The following CLEC16A variants were observed in gnomAD, a reference collection of about 807,000 sequenced individuals.
CLEC16A encodes C-type lectin domain containing 16A, also known as protein CLEC16A.
Under a neutral mutation model 109.5 loss-of-function variants are expected in CLEC16A, and 51 were observed. That is an observed-to-expected ratio of 0.47 (90% CI 0.37 to 0.59). CLEC16A has a LOEUF of 0.59. Among genes scored for constraint, CLEC16A ranks in the 20% least tolerant of loss-of-function variants. The pLI is 0.00. For synonymous variants in CLEC16A, 673 were observed against 564.2 expected (o/e 1.19, Z -2.73); for missense variants, 1,339 against 1,394.0 (o/e 0.96, Z 0.63).
At chr16:11,122,184 C>T (rs1243951228) in intron 20 of CLEC16A, among the ~76,000 whole-genome samples, 1 of 152,226 alleles carries the variant, frequency 6.6e-6, no homozygotes, top group Admixed American at 6.5e-5. Context: ...GCGAGAACCA[C>T]CCACATACTT....
chr16:10,976,659 C>G (rs905837753), intron 7 of CLEC16A, among the ~76,000 whole-genome samples: 3 of 152,212 alleles, frequency 2.0e-5, no homozygotes, highest in Non-Finnish European at 2.9e-5. Context: ...CCAGCTGTTT[C>G]TGGAGTGTGA....
At chr16:11,117,736 A>G (rs80086226) in intron 19 of CLEC16A, among the ~76,000 whole-genome samples, 6,835 of 152,182 alleles carry the variant, frequency 0.045, 512 homozygotes, top group African/African-American at 0.16. Context: ...CGGTTAAACA[A>G]TTTTTAAATG....
At chr16:10,986,629 G>A (rs537005274) in intron 10 of CLEC16A, among the ~76,000 whole-genome samples, 5 of 152,060 alleles carry the variant, frequency 3.3e-5, no homozygotes, top group African/African-American at 1.2e-4. Flanking sequence ...AAGTAGAATC[G>A]TGCAGCATTT....
At chr16:11,136,461 TTTGTTGTTGTTGTTG>T (rs151238568) in intron 22 of CLEC16A, among the ~76,000 whole-genome samples, 1 of 151,872 alleles carries the variant, frequency 6.6e-6, no homozygotes, top group African/African-American at 2.4e-5. Flanking sequence ...CTCTTGCCAT[TTTGTTGTTGTTGTTG>T]TTGTTGTTGT....
Position 10,944,608 on chromosome 16 carries a change from C to T in CLEC16A, c.-110C>T, listed in dbSNP as rs1378109981. 4 of 1,090,244 alleles carry T rather than the reference C, an allele frequency of 3.7e-6. No homozygotes were observed. Among genetic ancestry groups the T allele is most frequent in the Non-Finnish European group, 2.6e-6 (2 of 756,408 alleles). 67.5% of individuals were successfully genotyped at this position (1,090,244 alleles called of 1,614,324 possible). On this transcript the variant is annotated 5_prime_UTR_variant, in exon 1 of 24. Transcript: ENST00000409790. ...GGGAGGAAGGCGGCTCGCGGTTCCT[C>T]CACCGCCTCCGCCGCCGCATCCTCC...
chr16:10,972,449 C>A, intron 5 of CLEC16A, 105 bp from the exon 6 acceptor site: 1 of 984,940 alleles, frequency 1.0e-6, no homozygotes, highest in Non-Finnish European at 1.6e-6. Flanking sequence ...ACCCTAGTCT[C>A]TCTCCCTCTG....
intron 13 of CLEC16A, among the ~76,000 whole-genome samples, chr16:11,038,363 C>G (rs2047138827): frequency 6.6e-6 from 1 of 152,134 alleles, no homozygotes; most frequent in African/African-American, 2.4e-5. Flanking sequence ...AGACGTGGTA[C>G]AAGCGCAAAT....
intron 10 of CLEC16A, among the ~76,000 whole-genome samples, chr16:10,983,345 G>A (rs1442788163): frequency 6.6e-6 from 1 of 152,358 alleles, no homozygotes; most frequent in Non-Finnish European, 1.5e-5. Context: ...GAATGACTCA[G>A]GCCCCAGGTG....
At position 11,181,902 on chromosome 16, in the gene CLEC16A, A is replaced by G. The variant is rs199512653; in HGVS notation, c.*3212A>G. 4 of 152,826 alleles carry G rather than the reference A, an allele frequency of 2.6e-5. No homozygotes were observed. The South Asian group carries it at 6.2e-4, about 24-fold the overall frequency. The allele number at this position is 152,826 out of a possible 1,614,324, so 9.5% of individuals were successfully genotyped here. A position where few individuals can be genotyped will look rare whatever the true frequency, so the allele number is the denominator to read the frequency against. ...ATTTTGATCTTCTTGTCTAGATGCA[A>G]TAAATAAATCTGAAGCATTTAATGT... On this transcript the variant is annotated 3_prime_UTR_variant, in exon 24 of 24. Transcript: ENST00000409790.
intron 18 of CLEC16A, among the ~76,000 whole-genome samples, chr16:11,055,605 T>TTTTTTTTTTTC (rs1268458004): frequency 7.1e-6 from 1 of 141,336 alleles, no homozygotes; most frequent in African/African-American, 2.8e-5. Flanking sequence ...TTTTTTTTTT[T>TTTTTTTTTTTC]TGAGACGAGT....
At chr16:11,159,019 C>G (rs2054628904) in intron 22 of CLEC16A, among the ~76,000 whole-genome samples, 1 of 151,994 alleles carries the variant, frequency 6.6e-6, no homozygotes, top group Non-Finnish European at 1.5e-5. Flanking sequence ...TTTCCCACTT[C>G]TTAATTTTCA....
intron 19 of CLEC16A, among the ~76,000 whole-genome samples, chr16:11,100,445 C>T (rs928798233): frequency 3.3e-5 from 5 of 152,224 alleles, no homozygotes; most frequent in South Asian, 2.1e-4. Flanking sequence ...TTTCTTAGCA[C>T]AGGCAGCCAA....
chr16:10,964,705 G>A (rs897323345), intron 3 of CLEC16A, among the ~76,000 whole-genome samples: 7 of 152,096 alleles, frequency 4.6e-5, no homozygotes, highest in Non-Finnish European at 8.8e-5. Context: ...CAAAACTTAC[G>A]GCTTTTAGAG....
At chr16:11,099,910 T>C (rs1005109757) in intron 19 of CLEC16A, among the ~76,000 whole-genome samples, 1 of 152,138 alleles carries the variant, frequency 6.6e-6, no homozygotes, top group Non-Finnish European at 1.5e-5. Context: ...GTGTCCAGCA[T>C]GTGGCAGGAA....
intron 18 of CLEC16A, among the ~76,000 whole-genome samples, chr16:11,056,218 A>G (rs2048205477): frequency 6.6e-6 from 1 of 152,184 alleles, no homozygotes; most frequent in Non-Finnish European, 1.5e-5. Context: ...ACCACGGGTC[A>G]AATCCCAACT....
chr16:11,056,828 T>G (rs2048236304), intron 18 of CLEC16A: 1 of 152,262 alleles, frequency 6.6e-6, no homozygotes, highest in African/African-American at 2.4e-5. Context: ...CCTATCTTTG[T>G]CTGTAAAAAG....
chr16:11,034,416 G>A (rs12920271), intron 13 of CLEC16A, among the ~76,000 whole-genome samples: 7,724 of 152,214 alleles, frequency 0.051, 270 homozygotes, highest in Non-Finnish European at 0.071. Context: ...TCTTTGGTCT[G>A]GGTCTTTTAC....
intron 19 of CLEC16A, among the ~76,000 whole-genome samples, chr16:11,117,776 A>C: frequency 6.6e-6 from 1 of 152,114 alleles, no homozygotes. Context: ...GGTGGGAAAA[A>C]ATTGCACTCA....
At chr16:11,172,340 A>G (rs965658965) in intron 23 of CLEC16A, among the ~76,000 whole-genome samples, 4 of 152,134 alleles carry the variant, frequency 2.6e-5, no homozygotes, top group African/African-American at 9.7e-5. Context: ...ACACACACAC[A>G]CTCTGAGTGA....
Sources: allele counts gnomAD v4.1 joint callset (sites outside exome capture counted in the v4.1 genomes callset), GRCh38; gene constraint gnomAD v4.1.1; transcripts MANE v1.5; gene names NCBI Gene and HGNC (gene_info 2026-07-23, HGNC 2026-07-21).